Variants in SPRED1 observed in about 807,000 individuals in gnomAD.
SPRED1 encodes the protein sprouty related EVH1 domain containing 1, also known as sprouty-related, EVH1 domain-containing protein 1.
In SPRED1, 18 loss-of-function variants were observed where a neutral mutation model predicts 52.3. The ratio of observed to expected loss-of-function variants is 0.34; its 90% confidence interval spans 0.24 to 0.51. The LOEUF is 0.51. Among genes scored for constraint, SPRED1 ranks in the 20% least tolerant of loss-of-function variants. The pLI is 0.97. For synonymous variants in SPRED1, 155 were observed against 179.7 expected, an observed-to-expected ratio of 0.86 and a Z score of 1.10; for missense variants, 485 against 551.0, an observed-to-expected ratio of 0.88 and a Z score of 1.20.
intron 4 of SPRED1, among the ~76,000 whole-genome samples, chr15:38,329,532 A>C (rs1275119582): frequency 1.3e-5 from 2 of 152,148 alleles, no homozygotes; most frequent in Non-Finnish European, 2.9e-5. Context: ...ATCCTTTAGT[A>C]AGTGCTGCCT....
rs2141014773 is a variant in SPRED1 at position 38,349,386 on chromosome 15, C to A, written c.583-36C>A. On this transcript the variant is annotated intron_variant, in intron 5 of 6. Transcript: ENST00000299084. Reference sequence around the variant, plus strand: ...GTACAGTTTCATTAAAAGTAAAATTCTTGTGTCATTTAAGTAGAAATTGTT... The same window carrying A: ...GTACAGTTTCATTAAAAGTAAAATTATTGTGTCATTTAAGTAGAAATTGTT... The A allele has an allele frequency of 4.1e-6, 6 of 1,479,446 alleles. No homozygotes were observed. The South Asian group carries it at 4.6e-5, about 11-fold the overall frequency. 91.6% of individuals were successfully genotyped at this position (1,479,446 alleles called of 1,614,324 possible).
chr15:38,356,037 G>A lies in SPRED1; in HGVS notation c.*4373G>A, dbSNP rs940856283. On this transcript the variant is annotated 3_prime_UTR_variant, in exon 7 of 7. Coordinates refer to ENST00000299084, the MANE Select transcript of SPRED1 (RefSeq NM_152594.3). ...TAAATGTTAGCCATTATTCCTGAAA[G>A]CTTCTTAAATTGCATCAGTTGTTTT... is the stretch of plus-strand genomic sequence containing the variant. The A allele has an allele frequency of 6.6e-6, 1 of 152,150 alleles. No homozygotes were observed. The highest frequency in any genetic ancestry group is 6.5e-5 in the Admixed American group (1 of 15,284). The allele number at this position is 152,150 out of a possible 1,614,324, so 9.4% of individuals were successfully genotyped here. A position where few individuals can be genotyped will look rare whatever the true frequency, so the allele number is the denominator to read the frequency against.
At chr15:38,323,648 G>A (rs1455160642) in intron 3 of SPRED1, among the ~76,000 whole-genome samples, 1 of 151,578 alleles carries the variant, frequency 6.6e-6, no homozygotes, top group Non-Finnish European at 1.5e-5. Context: ...AATACATGAT[G>A]TTCTGTGCCT....
intron 1 of SPRED1, among the ~76,000 whole-genome samples, chr15:38,281,566 T>TC (rs1447926894): frequency 1.4e-5 from 2 of 144,010 alleles, no homozygotes; most frequent in East Asian, 4.1e-4. Context: ...CTAATTTTTT[T>TC]TTTTTTTTTT....
At chr15:38,290,975 A>G (rs557484662) in intron 1 of SPRED1, among the ~76,000 whole-genome samples, 1 of 152,154 alleles carries the variant, frequency 6.6e-6, no homozygotes, top group Non-Finnish European at 1.5e-5. Context: ...GCGTTTTACC[A>G]TTAACCCAAA....
At chr15:38,283,570 G>T in intron 1 of SPRED1, 13 of 891,446 alleles carry the variant, frequency 1.5e-5, no homozygotes, top group Non-Finnish European at 1.7e-5. Context: ...ATAGAAAATT[G>T]TAGAAAATGA....
chr15:38,282,129 A>T (rs1894703385), intron 1 of SPRED1, among the ~76,000 whole-genome samples: 1 of 152,130 alleles, frequency 6.6e-6, no homozygotes, highest in Non-Finnish European at 1.5e-5. Context: ...ATGTTCCATA[A>T]ATACATCTTT....
At chr15:38,268,940 C>CTTTTTTT (rs66775738) in intron 1 of SPRED1, among the ~76,000 whole-genome samples, 3 of 121,864 alleles carry the variant, frequency 2.5e-5, no homozygotes, top group African/African-American at 2.8e-5. Context: ...TAACTTTTTT[C>CTTTTTTT]TTTTTTTTTT....
chr15:38,279,383 A>G (rs1019275283), intron 1 of SPRED1, among the ~76,000 whole-genome samples: 1 of 152,144 alleles, frequency 6.6e-6, no homozygotes, highest in Admixed American at 6.5e-5. Context: ...TGCAATTTAG[A>G]TTGTTTACTA....
At chr15:38,270,495 T>C (rs1043436904) in intron 1 of SPRED1, among the ~76,000 whole-genome samples, 1 of 152,176 alleles carries the variant, frequency 6.6e-6, no homozygotes, top group African/African-American at 2.4e-5. Context: ...TTCTGTAGGC[T>C]ATACAGGAAG....
intron 4 of SPRED1, among the ~76,000 whole-genome samples, chr15:38,335,326 A>C (rs1895891132): frequency 1.3e-5 from 2 of 152,110 alleles, no homozygotes; most frequent in Admixed American, 1.3e-4. Flanking sequence ...GATTTGCCTG[A>C]AGAATAATGG....
At chr15:38,317,376 G>T (rs998122989) in intron 2 of SPRED1, among the ~76,000 whole-genome samples, 2 of 151,790 alleles carry the variant, frequency 1.3e-5, no homozygotes, top group Non-Finnish European at 3.0e-5. Flanking sequence ...CTTCCTATTG[G>T]CCAGAAGTAA....
chr15:38,317,520 A>G lies in SPRED1; in HGVS notation c.208-4721A>G, dbSNP rs1895511692. Among the ~76,000 whole-genome samples, 3 of 151,952 alleles carry G rather than the reference A, an allele frequency of 2.0e-5. No homozygotes were observed. The South Asian group carries it at 6.2e-4, about 31-fold the overall frequency. ...TGTTTGCTAATTATGCCAATCTCAA[A>G]TATGGTAATTCAGCATTGAACTCTG... On this transcript the variant is annotated intron_variant, in intron 2 of 6. Transcript: ENST00000299084.
chr15:38,299,477 A>G lies in SPRED1; in HGVS notation c.137A>G (p.Lys46Arg). Reference sequence around the variant, plus strand: ...GGACTAAGCAGCGTCACTGTCTTCAAAGTCCCTCATCAGGAAGAGAATGGC... The same window carrying G: ...GGACTAAGCAGCGTCACTGTCTTCAGAGTCCCTCATCAGGAAGAGAATGGC... ...GSGLSSVTVF[K>R]VPHQEENGCA... is the part of the protein sequence containing the mutation. The change falls in exon 2 of 7, where the codon AAA becomes AGA. Residue 46 changes from lysine to arginine, a missense_variant. Lys to Arg is a conservative substitution (Grantham distance 26). This residue lies in a region of SPRED1 where 232 missense variants were observed against 231.8 expected (regional missense o/e 1.00). Transcript: ENST00000299084. 2 of 1,614,048 alleles carry G rather than the reference A, an allele frequency of 1.2e-6. No homozygotes were observed. Among genetic ancestry groups the G allele is most frequent in the South Asian group, 1.1e-5 (1 of 91,082 alleles).
At chr15:38,338,502 A>G (rs888534762) in intron 4 of SPRED1, among the ~76,000 whole-genome samples, 6 of 152,122 alleles carry the variant, frequency 3.9e-5, no homozygotes, top group African/African-American at 7.2e-5. Flanking sequence ...TTTATCAGCA[A>G]CTGTCACAAC....
At chr15:38,350,142 G>C (rs576049970) in intron 6 of SPRED1, among the ~76,000 whole-genome samples, 1 of 152,200 alleles carries the variant, frequency 6.6e-6, no homozygotes, top group South Asian at 2.1e-4. Flanking sequence ...TTACAGACTG[G>C]GTAGCTTCAA....
intron 6 of SPRED1, among the ~76,000 whole-genome samples, chr15:38,349,737 T>C (rs1047787755): frequency 6.6e-6 from 1 of 152,222 alleles, no homozygotes; most frequent in African/African-American, 2.4e-5. Flanking sequence ...ATTTATTAGA[T>C]AGGACCAAAA....
chr15:38,309,079 A>G lies in SPRED1; in HGVS notation c.207+9532A>G, dbSNP rs571418697. Among the ~76,000 whole-genome samples the G allele has an allele frequency of 4.6e-5, 7 of 152,264 alleles. No homozygotes were observed. The South Asian group carries it at 1.5e-3, about 32-fold the overall frequency. ...TTAATTTGCATTTTTCTGATGACTAATGATCATCTTTTCATTTGATTATTT... is the reference window on the plus strand; with the variant it reads ...TTAATTTGCATTTTTCTGATGACTAGTGATCATCTTTTCATTTGATTATTT... On this transcript the variant is annotated intron_variant, in intron 2 of 6. Transcript: ENST00000299084.
intron 2 of SPRED1, among the ~76,000 whole-genome samples, chr15:38,312,097 A>G (rs1481404624): frequency 6.6e-6 from 1 of 152,112 alleles, no homozygotes; most frequent in Non-Finnish European, 1.5e-5. Context: ...AAATTTATAC[A>G]TACTTTTTTG....
Sources: allele counts gnomAD v4.1 joint callset (sites outside exome capture counted in the v4.1 genomes callset), GRCh38; gene constraint gnomAD v4.1.1; regional missense constraint gnomAD v4.1.1; transcripts MANE v1.5; gene names NCBI Gene and HGNC (gene_info 2026-07-23, HGNC 2026-07-21).